PLXNA4: variants seen among roughly 807,000 people sequenced by gnomAD.
The protein encoded by PLXNA4 is plexin A4, also known as plexin-A4.
PLXNA4 carries 44 observed loss-of-function variants against 191.8 expected under a neutral mutation model. That is an observed-to-expected ratio of 0.23 (90% CI 0.18 to 0.29). The LOEUF (loss-of-function observed/expected upper bound fraction) is 0.29, where lower values mean the gene tolerates loss of function less well. PLXNA4 is among the 10% of genes least tolerant of loss of function. The pLI is 1.00. For synonymous variants in PLXNA4, 1,082 were observed against 1,009.5 expected (o/e 1.07, Z -1.36); for missense variants, 1,800 against 2,488.8 (o/e 0.72, Z 5.89).
chr7:132,137,336 C>G (rs750970607), intron 30 of PLXNA4, among the ~76,000 whole-genome samples: 1 of 152,234 alleles, frequency 6.6e-6, no homozygotes, highest in African/African-American at 2.4e-5. Flanking sequence ...TAAAAGCTGA[C>G]TGATGGCAAG....
intron 1 of PLXNA4, among the ~76,000 whole-genome samples, chr7:132,511,423 G>T (rs952761855): frequency 2.6e-5 from 4 of 152,204 alleles, no homozygotes; most frequent in Non-Finnish European, 5.9e-5. Flanking sequence ...GAGCCCAGAA[G>T]ATAGAGCACT....
intron 3 of PLXNA4, among the ~76,000 whole-genome samples, chr7:132,455,934 T>G (rs1027741640): frequency 2.0e-5 from 3 of 152,162 alleles, no homozygotes; most frequent in Admixed American, 2.0e-4. Context: ...GTCAGGAGAA[T>G]GCAGGTGAGG....
intron 1 of PLXNA4, among the ~76,000 whole-genome samples, chr7:132,561,914 ATCC>A (rs1278083036): frequency 3.7e-4 from 11 of 29,974 alleles, no homozygotes; most frequent in East Asian, 1.1e-3. Flanking sequence ...TCTCCTCCTT[ATCC>A]TCCTCCTCAT....
At chr7:132,408,607 G>T (rs1263839801) in intron 3 of PLXNA4, among the ~76,000 whole-genome samples, 1 of 152,052 alleles carries the variant, frequency 6.6e-6, no homozygotes, top group Non-Finnish European at 1.5e-5. Context: ...GGGACTACAG[G>T]CACGTGCCAC....
intron 2 of PLXNA4, among the ~76,000 whole-genome samples, chr7:132,603,188 T>C (rs866067940): frequency 2.0e-4 from 31 of 152,168 alleles, no homozygotes; most frequent in African/African-American, 6.8e-4. Context: ...ACTAATGAGA[T>C]TGGTTGTTTA....
intron 3 of PLXNA4, among the ~76,000 whole-genome samples, chr7:132,488,305 T>C (rs1797643584): frequency 1.3e-5 from 2 of 152,196 alleles, no homozygotes; most frequent in Non-Finnish European, 2.9e-5. Flanking sequence ...GTCCTCTAAA[T>C]ATGCCCAGAA....
chr7:132,445,522 A>G (rs1795873454), intron 3 of PLXNA4, among the ~76,000 whole-genome samples: 2 of 151,984 alleles, frequency 1.3e-5, no homozygotes, highest in South Asian at 2.1e-4. Flanking sequence ...ACTTGTCTCC[A>G]TAGTGTGAAC....
At position 132,126,579 on chromosome 7, in the gene PLXNA4, G is replaced by A. The variant is rs909418637; in HGVS notation, c.*3900C>T. The A allele has an allele frequency of 1.3e-5, 2 of 152,462 alleles. No homozygotes were observed. Among genetic ancestry groups the A allele is most frequent in the Non-Finnish European group, 2.9e-5 (2 of 68,262 alleles). The allele number at this position is 152,462 out of a possible 1,614,324, so 9.4% of individuals were successfully genotyped here. On this transcript the variant is annotated 3_prime_UTR_variant, in exon 32 of 32. Transcript: ENST00000321063. The stretch of plus-strand genomic sequence containing the variant: ...GTACATCAACCTTCACTGCTGGTGG[G>A]CGCAGGTAGCTGGGCCTGAGGGGAC...
At chr7:132,183,133 C>G (rs1159737362) in intron 16 of PLXNA4, among the ~76,000 whole-genome samples, 2 of 152,244 alleles carry the variant, frequency 1.3e-5, no homozygotes, top group African/African-American at 4.8e-5. Flanking sequence ...CACCCACATT[C>G]ATTTCCACCC....
intron 28 of PLXNA4, among the ~76,000 whole-genome samples, chr7:132,145,935 A>C (rs1795415587): frequency 6.6e-6 from 1 of 150,490 alleles, no homozygotes; most frequent in Admixed American, 6.6e-5. Context: ...AAAAAAAAAA[A>C]ATTAGCCAGG....
intron 1 of PLXNA4, among the ~76,000 whole-genome samples, chr7:132,552,786 C>T (rs78196887): frequency 0.012 from 1,788 of 152,240 alleles, 38 homozygotes; most frequent in African/African-American, 0.041. Context: ...AGGAGAAATG[C>T]CTTTCTGTAT....
intron 2 of PLXNA4, among the ~76,000 whole-genome samples, chr7:132,645,421 TG>T (rs1354857187): frequency 2.6e-5 from 4 of 152,172 alleles, no homozygotes; most frequent in Non-Finnish European, 4.4e-5. Context: ...GTGAAGAAGG[TG>T]CCAGCTTCCC....
intron 2 of PLXNA4, among the ~76,000 whole-genome samples, chr7:132,490,293 C>A (rs550373193): frequency 1.3e-5 from 2 of 152,250 alleles, no homozygotes; most frequent in South Asian, 2.1e-4. Context: ...TTCTAGGAAG[C>A]CTTTTAACAC....
At chr7:132,179,027 C>CGT (rs1796592308) in intron 20 of PLXNA4, among the ~76,000 whole-genome samples, 1 of 89,054 alleles carries the variant, frequency 1.1e-5, no homozygotes, top group Non-Finnish European at 2.0e-5. Context: ...TATACAGGCG[C>CGT]GCGCGCACAC....
chr7:132,182,267 C>G (rs959196962), intron 16 of PLXNA4, 77 bp from the exon 17 acceptor site: 24 of 1,575,816 alleles, frequency 1.5e-5, no homozygotes, highest in Non-Finnish European at 2.0e-5. Context: ...GATGACTGAG[C>G]TATGACAATA....
chr7:132,194,994 A>T (rs555991115), intron 13 of PLXNA4, among the ~76,000 whole-genome samples: 2 of 152,102 alleles, frequency 1.3e-5, no homozygotes, highest in African/African-American at 4.8e-5. Context: ...CAAATGAAGA[A>T]ACTGGGGCAA....
intron 29 of PLXNA4, among the ~76,000 whole-genome samples, chr7:132,142,029 C>T (rs1795285376): frequency 6.6e-6 from 1 of 152,170 alleles, no homozygotes; most frequent in African/African-American, 2.4e-5. Flanking sequence ...CTGTGCCTGG[C>T]CTGTGTGTTT....
intron 13 of PLXNA4, among the ~76,000 whole-genome samples, chr7:132,195,148 T>G (rs1193314889): frequency 1.3e-5 from 2 of 152,114 alleles, no homozygotes. Context: ...CAATTACACT[T>G]ATAAACATGC....
Position 132,146,689 on chromosome 7 carries a change from G to A in PLXNA4, c.4876C>T (p.Arg1626Trp), listed in dbSNP as rs371769384. The A allele has an allele frequency of 1.1e-5, 17 of 1,614,058 alleles. No homozygotes were observed. Among genetic ancestry groups the A allele is most frequent in the African/African-American group, 4.0e-5 (3 of 75,034 alleles). The change falls in exon 28 of 32, where the codon CGG becomes TGG. Residue 1626 changes from arginine to tryptophan, a missense_variant. Arg to Trp is a moderately radical substitution (Grantham distance 101). Coordinates refer to ENST00000321063, the MANE Select transcript of PLXNA4 (RefSeq NM_020911.2). ...AGGCTGTCGGGGCTGCCCGTGTACC[G>A]GATCATGTTTTCTGCCAAGGCAAGG... ...TSASKYENMI[R>W]YTGSPDSLRS... is the part of the protein sequence containing the mutation.
Sources: allele counts gnomAD v4.1 joint callset (sites outside exome capture counted in the v4.1 genomes callset), GRCh38; gene constraint gnomAD v4.1.1; transcripts MANE v1.5; gene names NCBI Gene and HGNC (gene_info 2026-07-23, HGNC 2026-07-21).